Variants in DBT observed in about 807,000 individuals in gnomAD.
DBT encodes lipoamide acyltransferase component of branched-chain alpha-keto acid dehydrogenase complex, mitochondrial.
DBT carries 40 observed loss-of-function variants against 51.3 expected under a neutral mutation model. That is an observed-to-expected ratio of 0.78 (90% CI 0.61 to 1.02). The LOEUF (loss-of-function observed/expected upper bound fraction) is 1.02, where lower values mean the gene tolerates loss of function less well. Ranked by LOEUF, DBT falls within the 50% of genes least tolerant of loss-of-function variation. The pLI, the probability that DBT is intolerant of heterozygous loss-of-function variation, is 0.00. For synonymous variants in DBT, 181 were observed against 190.4 expected (o/e 0.95, Z 0.41); for missense variants, 510 against 580.2 (o/e 0.88, Z 1.24).
At chr1:100,210,829 T>C (rs1662092876) in intron 7 of DBT, 58 bp from the exon 8 acceptor site, 1 of 1,601,526 alleles carries the variant, frequency 6.2e-7, no homozygotes, top group African/African-American at 1.3e-5. Flanking sequence ...GGATAGAGAA[T>C]TTGAAACAAT....
At chr1:100,200,261 T>C (rs1351155449) in intron 10 of DBT, among the ~76,000 whole-genome samples, 1 of 152,184 alleles carries the variant, frequency 6.6e-6, no homozygotes, top group Non-Finnish European at 1.5e-5. Flanking sequence ...GTAGGCGGTC[T>C]TCCCCTCACA....
chr1:100,195,057 A>C lies in DBT; in HGVS notation c.*1198T>G, dbSNP rs947041211. 4 of 152,422 alleles carry C rather than the reference A, an allele frequency of 2.6e-5. No homozygotes were observed. The highest frequency in any genetic ancestry group is 9.7e-5 in the African/African-American group (4 of 41,450). The allele number at this position is 152,422 out of a possible 1,614,324, so 9.4% of individuals were successfully genotyped here. On this transcript the variant is annotated 3_prime_UTR_variant, in exon 11 of 11. Transcript: ENST00000370132. ...AAAATTTCTTATTTTTTATATCCATAATTACTATTAGACTCTTCCTTCTCC... is the reference window on the plus strand; with the variant it reads ...AAAATTTCTTATTTTTTATATCCATCATTACTATTAGACTCTTCCTTCTCC...
At chr1:100,249,339 T>C (rs754354794) in intron 1 of DBT, 8 of 265,348 alleles carry the variant, frequency 3.0e-5, no homozygotes, top group Non-Finnish European at 5.3e-5. Context: ...GCTGATATTC[T>C]ATAACTTGAA....
rs74465832 is a variant in DBT at position 100,192,716 on chromosome 1, A to G, written c.*3539T>C. Reference sequence around the variant, plus strand: ...TTTGATCTCTAAAATATAAATTCATACCAATTTTAGCTTCCATCCTCAGAC... The same window carrying G: ...TTTGATCTCTAAAATATAAATTCATGCCAATTTTAGCTTCCATCCTCAGAC... On this transcript the variant is annotated 3_prime_UTR_variant, in exon 11 of 11. Transcript: ENST00000370132. The G allele has an allele frequency of 1.3e-5, 2 of 152,340 alleles. No individual in the cohort carries two copies. Among genetic ancestry groups the G allele is most frequent in the African/African-American group, 4.8e-5 (2 of 41,584 alleles). 9.4% of individuals were successfully genotyped at this position (152,340 alleles called of 1,614,324 possible).
At chr1:100,217,774 A>G (rs1341079302) in intron 5 of DBT, among the ~76,000 whole-genome samples, 1 of 108,402 alleles carries the variant, frequency 9.2e-6, no homozygotes, top group African/African-American at 2.9e-5. Flanking sequence ...ACCTGCCTGC[A>G]GGGTCCTTGT....
Position 100,219,711 on chromosome 1 carries a change from G to A in DBT, c.434-964C>T, listed in dbSNP as rs925108459. Among the ~76,000 whole-genome samples the A allele has an allele frequency of 3.9e-5, 6 of 151,948 alleles. No homozygotes were observed. In the East Asian group the frequency reaches 5.8e-4, roughly 15 times the overall value. ...CTGCAGTGAGACATGTTGGCGCCAC[G>A]GCACTCTAGGTTGGGTGAAAAAGTG... is the stretch of plus-strand genomic sequence containing the variant. On this transcript the variant is annotated intron_variant, in intron 4 of 10. Coordinates refer to ENST00000370132, the MANE Select transcript of DBT (RefSeq NM_001918.5).
chr1:100,240,172 T>C (rs1349264287), intron 2 of DBT, among the ~76,000 whole-genome samples: 1 of 152,156 alleles, frequency 6.6e-6, no homozygotes, highest in Non-Finnish European at 1.5e-5. Flanking sequence ...ATCAGGCTGG[T>C]TTCATCACAC....
At chr1:100,209,092 T>C (rs1434720407) in intron 8 of DBT, among the ~76,000 whole-genome samples, 1 of 98,174 alleles carries the variant, frequency 1.0e-5, no homozygotes, top group Non-Finnish European at 2.0e-5. Context: ...TCTTTTCTTT[T>C]CTTTTCTTTT....
intron 9 of DBT, 50 bp downstream of exon 9, chr1:100,206,395 T>G: frequency 1.3e-6 from 2 of 1,561,528 alleles, no homozygotes; most frequent in Non-Finnish European, 1.8e-6. Flanking sequence ...ATTAAGCATA[T>G]GATCAGAAAC....
At chr1:100,246,446 C>G (rs947456529) in intron 1 of DBT, among the ~76,000 whole-genome samples, 32 of 152,122 alleles carry the variant, frequency 2.1e-4, no homozygotes, top group African/African-American at 7.0e-4. Context: ...AAATAAGATG[C>G]AATATATAGT....
intron 1 of DBT, among the ~76,000 whole-genome samples, chr1:100,246,252 G>A (rs774578275): frequency 8.6e-5 from 13 of 151,834 alleles, no homozygotes; most frequent in Non-Finnish European, 1.3e-4. Flanking sequence ...GTGAGACGCC[G>A]TCTCAAAAAA....
intron 1 of DBT, among the ~76,000 whole-genome samples, chr1:100,247,544 C>G (rs1664611129): frequency 6.6e-6 from 1 of 151,490 alleles, no homozygotes; most frequent in African/African-American, 2.4e-5. Flanking sequence ...ACTAAAAATA[C>G]AAAAATTAGC....
chr1:100,231,044 A>C (rs894450847), intron 3 of DBT, 130 bp from the exon 4 acceptor site: 3 of 653,430 alleles, frequency 4.6e-6, no homozygotes, highest in Non-Finnish European at 8.2e-6. Flanking sequence ...ATGGTGTACT[A>C]AGCAATGTTT....
intron 7 of DBT, among the ~76,000 whole-genome samples, chr1:100,214,490 C>T (rs367568904): frequency 4.6e-5 from 7 of 152,262 alleles, no homozygotes; most frequent in South Asian, 2.1e-4. Flanking sequence ...TGGTGGCTCA[C>T]GCCTGGAATT....
chr1:100,201,769 G>T (rs988469421), intron 10 of DBT, among the ~76,000 whole-genome samples: 1 of 152,120 alleles, frequency 6.6e-6, no homozygotes, highest in Admixed American at 6.6e-5. Flanking sequence ...TTAAAGAAAA[G>T]AATTTTCACC....
intron 7 of DBT, chr1:100,213,580 C>T: frequency 1.3e-6 from 2 of 1,592,676 alleles, no homozygotes; most frequent in Non-Finnish European, 1.7e-6. Context: ...TGGGCATCTT[C>T]CTGGCCATCA....
intron 1 of DBT, among the ~76,000 whole-genome samples, chr1:100,247,513 A>C (rs1231437396): frequency 6.7e-6 from 1 of 149,804 alleles, no homozygotes; most frequent in Non-Finnish European, 1.5e-5. Context: ...AGCCTGGCCA[A>C]CATGGCAAAA....
At position 100,195,095 on chromosome 1, in the gene DBT, T is replaced by A. The variant is rs1450512426; in HGVS notation, c.*1160A>T. 1 of 152,622 alleles carries A rather than the reference T, an allele frequency of 6.6e-6. No homozygotes were observed. The highest frequency in any genetic ancestry group is 1.5e-5 in the Non-Finnish European group (1 of 68,040). The allele number at this position is 152,622 out of a possible 1,614,324, so 9.5% of individuals were successfully genotyped here. The stretch of plus-strand genomic sequence containing the variant: ...CTCTTCCTTCTCCTCTTATTTACAT[T>A]CTTACCCAGGATATGGAGAATGGAA... On this transcript the variant is annotated 3_prime_UTR_variant, in exon 11 of 11. Coordinates refer to ENST00000370132, the MANE Select transcript of DBT (RefSeq NM_001918.5).
chr1:100,191,138 C>CA lies in DBT; in HGVS notation c.*5116dup, dbSNP rs1443571309. The CA allele has an allele frequency of 6.6e-6, 1 of 152,110 alleles. No individual in the cohort carries two copies. Among genetic ancestry groups the CA allele is most frequent in the Non-Finnish European group, 1.5e-5 (1 of 68,026 alleles). The allele number at this position is 152,110 out of a possible 1,614,324, so 9.4% of individuals were successfully genotyped here. A position where few individuals can be genotyped will look rare whatever the true frequency, so the allele number is the denominator to read the frequency against. On this transcript the variant is annotated 3_prime_UTR_variant, in exon 11 of 11. Coordinates refer to ENST00000370132, the MANE Select transcript of DBT (RefSeq NM_001918.5). Reference sequence around the variant, plus strand: ...TTAAGGTGCCAGTATAAGAGTAGAGCATTAAAGCTAGTGAGTATATTAACA... The same window carrying CA: ...TTAAGGTGCCAGTATAAGAGTAGAGCAATTAAAGCTAGTGAGTATATTAACA...
Sources: allele counts gnomAD v4.1 joint callset (sites outside exome capture counted in the v4.1 genomes callset), GRCh38; gene constraint gnomAD v4.1.1; transcripts MANE v1.5; gene names NCBI Gene and HGNC (gene_info 2026-07-23, HGNC 2026-07-21).